RNGTT: variants seen among roughly 807,000 people sequenced by gnomAD.
The protein encoded by RNGTT is RNA guanylyltransferase and 5'-phosphatase, also known as mRNA-capping enzyme.
In RNGTT, 33 loss-of-function variants were observed where a neutral mutation model predicts 79.3. The ratio of observed to expected loss-of-function variants is 0.42; its 90% CI spans 0.32 to 0.56. The LOEUF (loss-of-function observed/expected upper bound fraction) is 0.56, where lower values mean the gene tolerates loss of function less well. Ranked by LOEUF, RNGTT falls within the 20% of genes least tolerant of loss-of-function variation. RNGTT has a pLI of 0.17. For synonymous variants in RNGTT, 222 were observed against 235.9 expected, an observed-to-expected ratio of 0.94 and a Z score of 0.54; for missense variants, 497 against 739.1, an observed-to-expected ratio of 0.67 and a Z score of 3.80.
chr6:88,623,602 T>C (rs188378725), intron 14 of RNGTT, among the ~76,000 whole-genome samples: 239 of 152,146 alleles, frequency 1.6e-3, no homozygotes, highest in Middle Eastern at 6.8e-3. Flanking sequence ...GTCCAACCTA[T>C]CACAGTGTCT....
chr6:88,805,917 G>A, intron 11 of RNGTT, among the ~76,000 whole-genome samples: 1 of 152,166 alleles, frequency 6.6e-6, no homozygotes, highest in Non-Finnish European at 1.5e-5. Flanking sequence ...ACAAGTAACA[G>A]CAGCCAACTG....
intron 13 of RNGTT, among the ~76,000 whole-genome samples, chr6:88,693,720 C>A (rs186821208): frequency 4.6e-5 from 7 of 152,208 alleles, no homozygotes; most frequent in Admixed American, 2.0e-4. Context: ...ACTAGCAAAT[C>A]AAATTCAATA....
chr6:88,807,358 T>C (rs556411785), intron 11 of RNGTT, among the ~76,000 whole-genome samples: 1 of 151,884 alleles, frequency 6.6e-6, no homozygotes, highest in African/African-American at 2.4e-5. Context: ...ACAATAAAAA[T>C]GAAACAATTG....
chr6:88,748,902 T>C (rs907848910), intron 13 of RNGTT, among the ~76,000 whole-genome samples: 1 of 151,418 alleles, frequency 6.6e-6, no homozygotes, highest in Admixed American at 6.6e-5. Flanking sequence ...CCGAGGCTCA[T>C]CATAGTAAAT....
chr6:88,679,212 A>G (rs1774995838), intron 13 of RNGTT, among the ~76,000 whole-genome samples: 1 of 152,206 alleles, frequency 6.6e-6, no homozygotes, highest in Non-Finnish European at 1.5e-5. Flanking sequence ...GTACCCTCCA[A>G]TAAGGGGTAT....
At chr6:88,938,103 A>T (rs776565533) in intron 2 of RNGTT, among the ~76,000 whole-genome samples, 6 of 152,178 alleles carry the variant, frequency 3.9e-5, no homozygotes, top group Non-Finnish European at 7.3e-5. Flanking sequence ...TGTCTTGACA[A>T]TCTGTCTAAT....
At chr6:88,928,835 T>G in intron 4 of RNGTT, 150 bp downstream of exon 4, 1 of 569,934 alleles carries the variant, frequency 1.8e-6, no homozygotes, top group South Asian at 2.7e-5. Flanking sequence ...TATTACATAA[T>G]TCACAAGTCA....
intron 1 of RNGTT, among the ~76,000 whole-genome samples, chr6:88,941,877 CACT>C (rs1357546729): frequency 6.6e-6 from 1 of 152,100 alleles, no homozygotes; most frequent in Non-Finnish European, 1.5e-5. Context: ...AGTTCTACAC[CACT>C]ACATTAAAAA....
intron 14 of RNGTT, among the ~76,000 whole-genome samples, chr6:88,628,482 C>A (rs1772720534): frequency 6.6e-6 from 1 of 151,970 alleles, no homozygotes; most frequent in Non-Finnish European, 1.5e-5. Flanking sequence ...TGTTATAAAA[C>A]CAGAGGAAAT....
intron 11 of RNGTT, among the ~76,000 whole-genome samples, chr6:88,818,326 T>TA (rs1298140668): frequency 1.3e-5 from 2 of 152,008 alleles, no homozygotes; most frequent in African/African-American, 4.8e-5. Flanking sequence ...CTCATGCCTG[T>TA]AATCCCAGCA....
At chr6:88,814,743 A>G (rs556452908) in intron 11 of RNGTT, among the ~76,000 whole-genome samples, 1 of 152,348 alleles carries the variant, frequency 6.6e-6, no homozygotes, top group Non-Finnish European at 1.5e-5. Flanking sequence ...ACTAAACTGC[A>G]TAAATGACTA....
chr6:88,708,530 T>C (rs775630219), intron 13 of RNGTT, among the ~76,000 whole-genome samples: 6 of 152,106 alleles, frequency 3.9e-5, no homozygotes, highest in African/African-American at 1.2e-4. Flanking sequence ...GCTTTGACCA[T>C]GGTAGCTCCA....
chr6:88,648,438 CA>C (rs1773661404), intron 14 of RNGTT, among the ~76,000 whole-genome samples: 1 of 151,594 alleles, frequency 6.6e-6, no homozygotes, highest in Non-Finnish European at 1.5e-5. Context: ...CAAACTTGCA[CA>C]TTGTGCACAT....
chr6:88,686,926 G>C (rs1775300599), intron 13 of RNGTT, among the ~76,000 whole-genome samples: 1 of 151,948 alleles, frequency 6.6e-6, no homozygotes, highest in Non-Finnish European at 1.5e-5. Context: ...CTTCAATCTT[G>C]ATATAACAAG....
rs144845198 is a variant in RNGTT at position 88,760,232 on chromosome 6, G to C, written c.1439+9542C>G. Among the ~76,000 whole-genome samples the C allele has an allele frequency of 5.9e-3, 897 of 152,200 alleles. 15 individuals carry two copies. The highest frequency in any genetic ancestry group is 0.02 in the African/African-American group (816 of 41,506). On this transcript the variant is annotated intron_variant, in intron 13 of 15. Transcript: ENST00000369485. ...TGTAGACACTTTGATTATGATGTTGGTTTTTGGTAAGCGGCCTGGGAAAGA... is the reference window on the plus strand; with the variant it reads ...TGTAGACACTTTGATTATGATGTTGCTTTTTGGTAAGCGGCCTGGGAAAGA...
chr6:88,729,445 ACT>A (rs1007278423), intron 13 of RNGTT, among the ~76,000 whole-genome samples: 18 of 151,804 alleles, frequency 1.2e-4, no homozygotes, highest in Admixed American at 2.6e-4. Flanking sequence ...GGGTCTTTTG[ACT>A]CTCACATCTA....
chr6:88,795,702 C>A (rs1352538426), intron 12 of RNGTT, among the ~76,000 whole-genome samples: 4 of 145,954 alleles, frequency 2.7e-5, no homozygotes, highest in Admixed American at 6.8e-5. Context: ...AAACCACCAC[C>A]AAAAAAAGCA....
intron 8 of RNGTT, among the ~76,000 whole-genome samples, chr6:88,866,672 A>G (rs1457133279): frequency 6.6e-6 from 1 of 152,202 alleles, no homozygotes; most frequent in African/African-American, 2.4e-5. Context: ...AAATAAATCA[A>G]TGTATCCATT....
At chr6:88,909,853 T>C (rs955360056) in intron 4 of RNGTT, among the ~76,000 whole-genome samples, 3 of 151,768 alleles carry the variant, frequency 2.0e-5, no homozygotes, top group Middle Eastern at 3.4e-3. Flanking sequence ...TAGAAACCTA[T>C]CTACAACCAA....
Sources: gnomAD v4.1 joint callset for allele counts (sites outside exome capture counted in the v4.1 genomes callset) on GRCh38, gnomAD v4.1.1 for gene constraint, MANE v1.5 for transcripts, NCBI Gene and HGNC (gene_info 2026-07-23, HGNC 2026-07-21) for gene names.